The following PPP4R3B variants were observed in gnomAD, a reference collection of about 807,000 sequenced individuals.
PPP4R3B encodes protein phosphatase 4 regulatory subunit 3B, also known as serine/threonine-protein phosphatase 4 regulatory subunit 3B.
Under a neutral mutation model 95.4 loss-of-function variants are expected in PPP4R3B, and 52 were observed. That is an observed-to-expected ratio of 0.54 (90% CI 0.44 to 0.69). PPP4R3B has a LOEUF of 0.69. Ranked by LOEUF, PPP4R3B falls within the 30% of genes least tolerant of loss-of-function variation. PPP4R3B has a pLI of 0.00. For missense variants in PPP4R3B, 1,003 were observed against 1,005.9 expected (o/e 1.00, Z 0.04); for synonymous variants, 407 against 343.9 (o/e 1.18, Z -2.03).
At chr2:55,604,228 A>G (rs1292946606) in intron 2 of PPP4R3B, 152 bp from the exon 3 acceptor site, 1 of 467,020 alleles carries the variant, frequency 2.1e-6, no homozygotes, top group Non-Finnish European at 3.7e-6. Flanking sequence ...TATTAGTAAT[A>G]TATTGGCAAT....
rs1374875847 is a variant in PPP4R3B at position 55,617,468 on chromosome 2, C to T, written c.-183G>A. 1 of 608,000 alleles carries T rather than the reference C, an allele frequency of 1.6e-6. No homozygotes were observed. The highest frequency in any genetic ancestry group is 1.9e-5 in the African/African-American group (1 of 53,260). 37.7% of individuals were successfully genotyped at this position (608,000 alleles called of 1,614,324 possible). ...AAGGGGTGACAAGAGCCACTGAGGC[C>T]TCTCCGCCCGGAGGCCCCGTTACCT... On this transcript the variant is annotated 5_prime_UTR_variant, in exon 1 of 17. Transcript: ENST00000616407.
intron 8 of PPP4R3B, among the ~76,000 whole-genome samples, chr2:55,580,371 G>C (rs1689290143): frequency 1.3e-5 from 2 of 152,200 alleles, no homozygotes; most frequent in African/African-American, 4.8e-5. Context: ...GCAGTGTATT[G>C]AGTTTTTCCC....
intron 7 of PPP4R3B, among the ~76,000 whole-genome samples, chr2:55,582,734 C>A (rs1454206273): frequency 6.6e-6 from 1 of 152,080 alleles, no homozygotes; most frequent in Non-Finnish European, 1.5e-5. Context: ...GAGCATAAAT[C>A]TTTAAAATAT....
At position 55,549,028 on chromosome 2, in the gene PPP4R3B, TG is replaced by T. The variant is rs1230006707; in HGVS notation, c.*882del. 6.6e-6 allele frequency: 1 copy of T among 152,492 alleles called. No individual in the cohort carries two copies. The allele number at this position is 152,492 out of a possible 1,614,324, so 9.4% of individuals were successfully genotyped here. Reference sequence around the variant, plus strand: ...AATTCAGCACTATTCTTGGTTGGTCTGTATAAGTAACACTTTAAAACTTGCA... The same window carrying T: ...AATTCAGCACTATTCTTGGTTGGTCTTATAAGTAACACTTTAAAACTTGCA... On this transcript the variant is annotated 3_prime_UTR_variant, in exon 17 of 17. Transcript: ENST00000616407.
intron 4 of PPP4R3B, among the ~76,000 whole-genome samples, chr2:55,597,529 G>A (rs1691964804): frequency 6.6e-6 from 1 of 152,206 alleles, no homozygotes; most frequent in African/African-American, 2.4e-5. Context: ...GGCTGAGGCA[G>A]GAGAATGGCG....
chr2:55,581,438 A>AT, intron 8 of PPP4R3B, 129 bp downstream of exon 8: 1 of 972,236 alleles, frequency 1.0e-6, no homozygotes, highest in South Asian at 1.9e-5. Flanking sequence ...ATGAATTGCT[A>AT]TAAGAATACC....
intron 2 of PPP4R3B, among the ~76,000 whole-genome samples, chr2:55,610,799 G>T (rs938696678): frequency 6.6e-6 from 1 of 151,178 alleles, no homozygotes; most frequent in Non-Finnish European, 1.5e-5. Context: ...AAATAAAACT[G>T]CAATGAGGAT....
intron 4 of PPP4R3B, among the ~76,000 whole-genome samples, chr2:55,595,323 C>A (rs568520933): frequency 9.9e-5 from 15 of 151,968 alleles, no homozygotes; most frequent in Non-Finnish European, 1.3e-4. Context: ...CCACACCCAG[C>A]CTAAACTCTT....
chr2:55,550,221 T>G (rs886747254), intron 16 of PPP4R3B, among the ~76,000 whole-genome samples: 1 of 152,202 alleles, frequency 6.6e-6, no homozygotes, highest in Non-Finnish European at 1.5e-5. Context: ...TATCTGGTTC[T>G]TGGATTATTA....
chr2:55,596,218 A>T (rs2103618509), intron 4 of PPP4R3B, among the ~76,000 whole-genome samples: 1 of 152,338 alleles, frequency 6.6e-6, no homozygotes, highest in African/African-American at 2.4e-5. Context: ...ATTTTACATA[A>T]ACACGCTCTT....
intron 15 of PPP4R3B, among the ~76,000 whole-genome samples, chr2:55,559,176 G>A (rs961242805): frequency 4.0e-5 from 6 of 151,830 alleles, no homozygotes; most frequent in Admixed American, 1.3e-4. Flanking sequence ...GAGAAACCCC[G>A]TCTCTGCTAA....
intron 16 of PPP4R3B, among the ~76,000 whole-genome samples, chr2:55,557,066 A>AACG (rs3030736): frequency 0.21 from 32,534 of 151,496 alleles, 3,614 homozygotes; most frequent in East Asian, 0.29. Context: ...CTGTAACAAC[A>AACG]ACGACGACGA....
At chr2:55,602,315 G>C (rs1572706284) in intron 3 of PPP4R3B, among the ~76,000 whole-genome samples, 1 of 152,208 alleles carries the variant, frequency 6.6e-6, no homozygotes, top group Non-Finnish European at 1.5e-5. Flanking sequence ...TTTGGTGTAA[G>C]AGAGTCTTGG....
intron 2 of PPP4R3B, among the ~76,000 whole-genome samples, chr2:55,609,309 T>G (rs768340563): frequency 9.2e-5 from 14 of 152,280 alleles, no homozygotes; most frequent in Middle Eastern, 3.4e-3. Context: ...ACTGGCATGC[T>G]AGGCCTTTTA....
At chr2:55,596,149 C>T (rs1227315443) in intron 4 of PPP4R3B, among the ~76,000 whole-genome samples, 1 of 152,066 alleles carries the variant, frequency 6.6e-6, no homozygotes, top group African/African-American at 2.4e-5. Flanking sequence ...AGAAAACATA[C>T]TTTTAACCCT....
chr2:55,617,022 C>G (rs1050239088), intron 1 of PPP4R3B, 122 bp downstream of exon 1: 10 of 1,162,424 alleles, frequency 8.6e-6, no homozygotes, highest in African/African-American at 3.1e-5. Context: ...TACACAAGAG[C>G]CAGTTCAGAA....
Position 55,586,742 on chromosome 2 carries a change from G to A in PPP4R3B, c.1000-8C>T. On this transcript the variant is annotated splice_region_variant and splice_polypyrimidine_tract_variant and intron_variant, in intron 5 of 16. Transcript: ENST00000616407. Reference sequence around the variant, plus strand: ...CTCCTTGAAAAAATTAACCTGTAATGTCAGAAATTTTAGTGAGACATTGAT... The same window carrying A: ...CTCCTTGAAAAAATTAACCTGTAATATCAGAAATTTTAGTGAGACATTGAT... 1 of 1,549,236 alleles carries A rather than the reference G, an allele frequency of 6.5e-7. No individual in the cohort carries two copies. The highest frequency in any genetic ancestry group is 8.8e-7 in the Non-Finnish European group (1 of 1,130,466).
intron 16 of PPP4R3B, among the ~76,000 whole-genome samples, chr2:55,550,267 T>G (rs1443560620): frequency 6.6e-6 from 1 of 152,206 alleles, no homozygotes; most frequent in East Asian, 1.9e-4. Context: ...AAAATTTTAC[T>G]GTGGGAAAAT....
chr2:55,582,293 C>T (rs745344452), intron 7 of PPP4R3B, among the ~76,000 whole-genome samples: 1 of 152,034 alleles, frequency 6.6e-6, no homozygotes, highest in Non-Finnish European at 1.5e-5. Flanking sequence ...AACGGAGTCT[C>T]GTTCTCTTGC....
Sources: gnomAD v4.1 joint callset for allele counts (sites outside exome capture counted in the v4.1 genomes callset) on GRCh38, gnomAD v4.1.1 for gene constraint, MANE v1.5 for transcripts, NCBI Gene and HGNC (gene_info 2026-07-23, HGNC 2026-07-21) for gene names.